SLC19A3: variants seen among roughly 807,000 people sequenced by gnomAD.
SLC19A3 encodes solute carrier family 19 member 3, also known as thiamine transporter 2.
Under a neutral mutation model 40.2 loss-of-function variants are expected in SLC19A3, and 31 were observed. The ratio of observed to expected loss-of-function variants is 0.77; its 90% CI spans 0.58 to 1.04. The LOEUF (loss-of-function observed/expected upper bound fraction) is 1.04, where lower values mean the gene tolerates loss of function less well. Ranked by LOEUF, SLC19A3 falls within the 50% of genes least tolerant of loss-of-function variation. The pLI is 0.00. For missense variants in SLC19A3, 592 were observed against 596.7 expected (o/e 0.99, Z 0.08); for synonymous variants, 212 against 227.5 (o/e 0.93, Z 0.61).
intron 1 of SLC19A3, among the ~76,000 whole-genome samples, chr2:227,717,665 T>C (rs1574587334): frequency 6.6e-6 from 1 of 152,170 alleles, no homozygotes; most frequent in Admixed American, 6.5e-5. Flanking sequence ...GATGTAACCA[T>C]AGGAGGTGCT....
At chr2:227,709,767 G>A (rs1696076616) in intron 1 of SLC19A3, among the ~76,000 whole-genome samples, 1 of 152,120 alleles carries the variant, frequency 6.6e-6, no homozygotes, top group Non-Finnish European at 1.5e-5. Flanking sequence ...GATATTGGGT[G>A]GGTGGAAAGA....
At chr2:227,713,528 G>A (rs6736580) in intron 1 of SLC19A3, among the ~76,000 whole-genome samples, 90,231 of 151,312 alleles carry the variant, frequency 0.6, 29,676 homozygotes, top group Non-Finnish European at 0.75. Flanking sequence ...ATGTATTAAT[G>A]GGTCATCATG....
Position 227,687,414 on chromosome 2 carries a change from TG to T in SLC19A3, c.1473del (p.Met492CysfsTer21). On this transcript the variant is annotated frameshift_variant, in exon 6 of 6. Transcript: ENST00000644224. LOFTEE classifies it high-confidence loss of function. ...CGATGAGGTTAGAGTTTTGTTGACA[TG>T]ATGATATTACTCTCTTCCTCTGGGT... Reference protein sequence around the residue: ...VSHPEEESNIIMSTKL With the variant: ...VSHPEEESNIXMSTKL 1.9e-6 allele frequency: 3 copies of T among 1,610,840 alleles called. No individual in the cohort carries two copies. In the South Asian group the frequency reaches 3.3e-5, roughly 18 times the overall value.
intron 4 of SLC19A3, among the ~76,000 whole-genome samples, chr2:227,691,935 A>T (rs1227821058): frequency 6.6e-6 from 1 of 152,202 alleles, no homozygotes; most frequent in Non-Finnish European, 1.5e-5. Context: ...ATCAGTGGCT[A>T]CTATGAGCAA....
In SLC19A3 at chr2:227,709,734, A is replaced by G. The variant is rs150553511; in HGVS notation, c.-2-7414T>C. Reference sequence around the variant, plus strand: ...CCTCAAACCTGATAAGTTTCCCACAACTGACTGCCTGGAGAAGAACAAGAT... The same window carrying G: ...CCTCAAACCTGATAAGTTTCCCACAGCTGACTGCCTGGAGAAGAACAAGAT... On this transcript the variant is annotated intron_variant, in intron 1 of 5. Coordinates refer to ENST00000644224, the MANE Select transcript of SLC19A3 (RefSeq NM_025243.4). 9.6e-3 allele frequency among the ~76,000 whole-genome samples: 1,465 copies of G among 152,184 alleles called. 18 individuals carry two copies. The highest frequency in any genetic ancestry group is 0.034 in the African/African-American group (1,397 of 41,512).
chr2:227,698,740 A>G lies in SLC19A3; in HGVS notation c.975T>C (p.Phe325=). 1 of 1,613,188 alleles carries G rather than the reference A, an allele frequency of 6.2e-7. No homozygotes were observed. The highest frequency in any genetic ancestry group is 8.5e-7 in the Non-Finnish European group (1 of 1,179,676). ...YNGAVEAIAT[F]GGAVAAFAVG... Reference sequence around the variant, plus strand: ...GATTAAGTGACATTTGCTTACCTCCAAAGGTTGCAATAGCTTCTACGGCCC... The same window carrying G: ...GATTAAGTGACATTTGCTTACCTCCGAAGGTTGCAATAGCTTCTACGGCCC... Residue 325 remains phenylalanine (F), a synonymous_variant, in exon 3 of 6, where the codon TTT becomes TTC. Transcript: ENST00000644224.
At chr2:227,711,128 T>A (rs1574579270) in intron 1 of SLC19A3, among the ~76,000 whole-genome samples, 1 of 152,086 alleles carries the variant, frequency 6.6e-6, no homozygotes, top group Admixed American at 6.6e-5. Flanking sequence ...TCAGAATTAG[T>A]GGGTGGTGGC....
At position 227,713,403 on chromosome 2, in the gene SLC19A3, A is replaced by C. The variant is rs1219880143; in HGVS notation, c.-3+4540T>G. ...GGCTGGACAGTGAGACCCTGTTGTAAAAAAAAAAAAAAAAAAAAAAGAGGG... is the reference window on the plus strand; with the variant it reads ...GGCTGGACAGTGAGACCCTGTTGTACAAAAAAAAAAAAAAAAAAAAGAGGG... On this transcript the variant is annotated intron_variant, in intron 1 of 5. Transcript: ENST00000644224. Among the ~76,000 whole-genome samples the C allele has an allele frequency of 5.9e-3, 18 of 3,044 alleles. No homozygotes were observed. In the Non-Finnish European group the frequency reaches 0.21, roughly 36 times the overall value. 2.0% of individuals were successfully genotyped at this position (3,044 alleles called of 152,430 possible). A position where few individuals can be genotyped will look rare whatever the true frequency, so the allele number is the denominator to read the frequency against.
At chr2:227,696,200 C>T (rs1163860076) in intron 3 of SLC19A3, 119 bp from the exon 4 acceptor site, 1 of 946,328 alleles carries the variant, frequency 1.1e-6, no homozygotes, top group Non-Finnish European at 1.7e-6. Context: ...ATTGCTTTCA[C>T]AAAATTGTGT....
intron 2 of SLC19A3, among the ~76,000 whole-genome samples, chr2:227,700,371 CA>C (rs139091057): frequency 0.078 from 11,777 of 151,278 alleles, 1,295 homozygotes; most frequent in African/African-American, 0.25. Flanking sequence ...ACCCCGTCTA[CA>C]ACTAAAAACA....
intron 1 of SLC19A3, among the ~76,000 whole-genome samples, chr2:227,715,840 G>A (rs1439857463): frequency 6.6e-6 from 1 of 151,208 alleles, no homozygotes; most frequent in Non-Finnish European, 1.5e-5. Context: ...GTGCCAGGTA[G>A]TTGGGAGACT....
In SLC19A3 at chr2:227,706,316, T is replaced by A. The variant is rs192316285; in HGVS notation, c.-2-3996A>T. ...TGACTTGATTTTCTGAGTTCATACC[T>A]GTGAAAGCCAGATGTTTACCTTTCC... On this transcript the variant is annotated intron_variant, in intron 1 of 5. Transcript: ENST00000644224. The A allele has an allele frequency of 8.2e-3, 10,143 of 1,231,458 alleles. 66 individuals carry two copies. Among genetic ancestry groups the A allele is most frequent in the Non-Finnish European group, 9.5e-3 (9,378 of 987,714 alleles). The allele number at this position is 1,231,458 out of a possible 1,614,324, so 76.3% of individuals were successfully genotyped here.
chr2:227,700,985 C>T (rs991892596), intron 2 of SLC19A3: 4 of 1,304,290 alleles, frequency 3.1e-6, no homozygotes, highest in Admixed American at 2.3e-5. Flanking sequence ...AACTGAGCTG[C>T]TCCTTGGAGG....
intron 1 of SLC19A3, among the ~76,000 whole-genome samples, chr2:227,708,486 C>T (rs982453039): frequency 1.3e-5 from 2 of 152,098 alleles, no homozygotes; most frequent in African/African-American, 4.8e-5. Context: ...GTAATCCCAG[C>T]ATTTTGGGAG....
At chr2:227,690,323 T>C (rs529112616) in intron 4 of SLC19A3, among the ~76,000 whole-genome samples, 1 of 152,252 alleles carries the variant, frequency 6.6e-6, no homozygotes, top group South Asian at 2.1e-4. Flanking sequence ...GCTATACATA[T>C]AGCAGAGAAA....
chr2:227,717,871 G>C, intron 1 of SLC19A3, 72 bp downstream of exon 1: 1 of 975,984 alleles, frequency 1.0e-6, no homozygotes, highest in African/African-American at 1.7e-5. Context: ...CCCGGGAAGA[G>C]AGAGGCGACA....
intron 1 of SLC19A3, among the ~76,000 whole-genome samples, chr2:227,713,333 T>C (rs1398705453): frequency 6.8e-6 from 1 of 146,684 alleles, no homozygotes; most frequent in African/African-American, 2.6e-5. Flanking sequence ...GCCCAGGATA[T>C]CAAGGCTGCA....
At chr2:227,716,933 C>T (rs1303389999) in intron 1 of SLC19A3, among the ~76,000 whole-genome samples, 4 of 149,248 alleles carry the variant, frequency 2.7e-5, no homozygotes, top group Non-Finnish European at 5.9e-5. Flanking sequence ...GAAAAAAACA[C>T]CTTTTGCCAC....
At chr2:227,694,199 G>C (rs1282023595) in intron 4 of SLC19A3, among the ~76,000 whole-genome samples, 1 of 152,112 alleles carries the variant, frequency 6.6e-6, no homozygotes, top group Non-Finnish European at 1.5e-5. Context: ...TAGATACGGG[G>C]TTTAATCATA....
Sources: gnomAD v4.1 joint callset for allele counts (sites outside exome capture counted in the v4.1 genomes callset) on GRCh38, gnomAD v4.1.1 for gene constraint, MANE v1.5 for transcripts, NCBI Gene and HGNC (gene_info 2026-07-23, HGNC 2026-07-21) for gene names.